The following PTPRQ variants were observed in gnomAD, a reference collection of about 807,000 sequenced individuals.
The protein encoded by PTPRQ is phosphatidylinositol phosphatase PTPRQ.
Under a neutral mutation model 246.0 loss-of-function variants are expected in PTPRQ, and 199 were observed. The observed-to-expected ratio is 0.81, with a 90% CI of 0.72 to 0.91. PTPRQ has a LOEUF of 0.91. Ranked by LOEUF, PTPRQ falls within the 40% of genes least tolerant of loss-of-function variation. The pLI is 0.00. For synonymous variants in PTPRQ, 869 were observed against 853.2 expected (o/e 1.02, Z -0.32); for missense variants, 2,624 against 2,528.4 (o/e 1.04, Z -0.81).
rs773747935 is a variant in PTPRQ, at chr12:80,632,232, C to T, written c.5727C>T (p.Ser1909=). ...LSERTVEIIL[S]VTLCILSIIL... ...AAAGAACCGTAGAGATCATTCTTTCCGTCACTTTGTGTATCCTTTCAATAA... is the reference window on the plus strand; with the variant it reads ...AAAGAACCGTAGAGATCATTCTTTCTGTCACTTTGTGTATCCTTTCAATAA... Residue 1909 remains serine, a synonymous_variant, in exon 34 of 45, where the codon TCC becomes TCT. Transcript: ENST00000644991. The T allele has an allele frequency of 1.9e-5, 29 of 1,551,356 alleles. No homozygotes were observed. Among genetic ancestry groups the T allele is most frequent in the South Asian group, 1.4e-4 (12 of 84,036 alleles).
At chr12:80,530,447 T>C (rs989172494) in intron 17 of PTPRQ, among the ~76,000 whole-genome samples, 1 of 152,204 alleles carries the variant, frequency 6.6e-6, no homozygotes, top group African/African-American at 2.4e-5. Flanking sequence ...TGTTGAATAT[T>C]GATTTTGTAC....
At chr12:80,631,836 A>T (rs1368703105) in intron 33 of PTPRQ, among the ~76,000 whole-genome samples, 1 of 152,166 alleles carries the variant, frequency 6.6e-6, no homozygotes, top group Non-Finnish European at 1.5e-5. Flanking sequence ...TGGACATATC[A>T]ATTTAACATT....
At position 80,680,236 on chromosome 12, in the gene PTPRQ, A is replaced by G. The variant is rs1050760352; in HGVS notation, c.*1213A>G. 1 of 151,522 alleles carries G rather than the reference A, an allele frequency of 6.6e-6. No individual in the cohort carries two copies. The highest frequency in any genetic ancestry group is 1.5e-5 in the Non-Finnish European group (1 of 67,764). The allele number at this position is 151,522 out of a possible 1,614,324, so 9.4% of individuals were successfully genotyped here. On this transcript the variant is annotated 3_prime_UTR_variant, in exon 45 of 45. Transcript: ENST00000644991. Reference sequence around the variant, plus strand: ...TATTTCCGCTGGAACATATATATATAAGAAATGCTATGGCCAATAAAATTG... The same window carrying G: ...TATTTCCGCTGGAACATATATATATGAGAAATGCTATGGCCAATAAAATTG...
intron 17 of PTPRQ, among the ~76,000 whole-genome samples, chr12:80,530,382 A>G (rs1895810241): frequency 6.6e-6 from 1 of 152,174 alleles, no homozygotes; most frequent in South Asian, 2.1e-4. Flanking sequence ...ACTCATATTT[A>G]TGCCTAAAGT....
In PTPRQ at chr12:80,549,649, C is replaced by T; in HGVS notation, c.4200C>T (p.Thr1400=). The change falls in exon 25 of 45, where the codon ACC becomes ACT. Residue 1400 remains threonine, a synonymous_variant. Coordinates refer to ENST00000644991, the MANE Select transcript of PTPRQ (RefSeq NM_001145026.2). The stretch of plus-strand genomic sequence containing the variant: ...CTTTCATAAAGCTTCTTGCCAATAC[C>T]TCATATGTCTTTAAAGTAAGAGCTT... The part of the protein sequence containing the change: ...MYTFIKLLAN[T]SYVFKVRAST... The T allele has an allele frequency of 3.2e-6, 5 of 1,551,160 alleles. No individual in the cohort carries two copies. Among genetic ancestry groups the T allele is most frequent in the Non-Finnish European group, 4.4e-6 (5 of 1,146,578 alleles).
At chr12:80,550,922 T>C (rs1714542360) in intron 25 of PTPRQ, among the ~76,000 whole-genome samples, 1 of 152,130 alleles carries the variant, frequency 6.6e-6, no homozygotes, top group Non-Finnish European at 1.5e-5. Flanking sequence ...ATATCAAATA[T>C]ATTGATAGGC....
At chr12:80,665,698 T>C (rs1273329664) in intron 39 of PTPRQ, among the ~76,000 whole-genome samples, 1 of 151,984 alleles carries the variant, frequency 6.6e-6, no homozygotes, top group African/African-American at 2.4e-5. Context: ...TGCAAACTAT[T>C]CATCCAACAA....
At chr12:80,640,919 G>A (rs1032972715) in intron 35 of PTPRQ, among the ~76,000 whole-genome samples, 1 of 152,126 alleles carries the variant, frequency 6.6e-6, no homozygotes, top group Non-Finnish European at 1.5e-5. Flanking sequence ...TTTGCACCTA[G>A]ATTCCTGTAC....
chr12:80,589,799 C>G (rs958216880), intron 26 of PTPRQ, among the ~76,000 whole-genome samples: 5 of 152,136 alleles, frequency 3.3e-5, no homozygotes, highest in Non-Finnish European at 7.4e-5. Context: ...TCTGTTTTTT[C>G]TCCTACCTTC....
At chr12:80,666,168 G>A (rs1260919274) in intron 39 of PTPRQ, among the ~76,000 whole-genome samples, 3 of 152,026 alleles carry the variant, frequency 2.0e-5, no homozygotes, top group African/African-American at 7.2e-5. Context: ...ATCAGCCTAA[G>A]TATTCATCAA....
At chr12:80,461,822 A>T (rs1368497268) in intron 6 of PTPRQ, among the ~76,000 whole-genome samples, 2 of 151,622 alleles carry the variant, frequency 1.3e-5, no homozygotes, top group Non-Finnish European at 2.9e-5. Context: ...TCTTTGAATT[A>T]TACCATTTTC....
rs184581114 is a variant in PTPRQ, at chr12:80,551,473, C to T, written c.4285+1739C>T. 7.9e-5 allele frequency among the ~76,000 whole-genome samples: 12 copies of T among 152,268 alleles called. No homozygotes were observed. In the East Asian group the frequency reaches 1.9e-3, roughly 24 times the overall value. On this transcript the variant is annotated intron_variant, in intron 25 of 44. Coordinates refer to ENST00000644991, the MANE Select transcript of PTPRQ (RefSeq NM_001145026.2). The stretch of plus-strand genomic sequence containing the variant: ...ACACTACTTTAGCCTACCCATAAGT[C>T]TCATCTTTCCTCCTACTCACTTAAT...
chr12:80,619,257 C>G, intron 30 of PTPRQ, 127 bp from the exon 31 acceptor site: 2 of 1,122,792 alleles, frequency 1.8e-6, no homozygotes, highest in East Asian at 5.3e-5. Flanking sequence ...GCACAATTCT[C>G]TATAATTTGT....
chr12:80,674,200 C>A (rs1377454794), intron 43 of PTPRQ, among the ~76,000 whole-genome samples: 2 of 152,076 alleles, frequency 1.3e-5, no homozygotes, highest in African/African-American at 2.4e-5. Context: ...AATAGAGATT[C>A]TCTTGCAGTA....
chr12:80,452,339 T>C (rs1892793385), intron 3 of PTPRQ, among the ~76,000 whole-genome samples: 1 of 152,058 alleles, frequency 6.6e-6, no homozygotes, highest in Non-Finnish European at 1.5e-5. Context: ...CTGTGTCTTT[T>C]AATTGGAGCA....
rs757029945 is a variant in PTPRQ, at chr12:80,591,120, CTTTT to C, written c.4609+2688_4609+2691del. ...TGTTTAGGATCTGCCTTGATCATTG[CTTTT>C]TTTTTTTTTTTTTTTTTTTGCGACA... is the stretch of plus-strand genomic sequence containing the variant. On this transcript the variant is annotated intron_variant, in intron 26 of 44. Coordinates refer to ENST00000644991, the MANE Select transcript of PTPRQ (RefSeq NM_001145026.2). 1.8e-4 allele frequency among the ~76,000 whole-genome samples: 14 copies of C among 77,384 alleles called. No individual in the cohort carries two copies. The East Asian group carries it at 2.6e-3, about 14-fold the overall frequency. 50.8% of individuals were successfully genotyped at this position (77,384 alleles called of 152,430 possible). A position where few individuals can be genotyped will look rare whatever the true frequency, so the allele number is the denominator to read the frequency against.
At chr12:80,447,909 T>C (rs1892603152) in intron 3 of PTPRQ, among the ~76,000 whole-genome samples, 2 of 152,128 alleles carry the variant, frequency 1.3e-5, no homozygotes, top group South Asian at 2.1e-4. Context: ...ATATGAACTT[T>C]AGGATTGCTG....
At chr12:80,464,212 T>G (rs982240309) in intron 6 of PTPRQ, among the ~76,000 whole-genome samples, 2 of 145,724 alleles carry the variant, frequency 1.4e-5, no homozygotes, top group Non-Finnish European at 3.0e-5. Flanking sequence ...AGGCAGGGGT[T>G]GCAATCCTAG....
At chr12:80,461,032 TC>T (rs1893147016) in intron 6 of PTPRQ, 130 bp downstream of exon 6, 3 of 388,824 alleles carry the variant, frequency 7.7e-6, no homozygotes, top group Non-Finnish European at 9.1e-6. Context: ...ACCATAGGCA[TC>T]CCATCAAGGG....
Sources: gnomAD v4.1 joint callset for allele counts (sites outside exome capture counted in the v4.1 genomes callset) on GRCh38, gnomAD v4.1.1 for gene constraint, MANE v1.5 for transcripts, NCBI Gene and HGNC (gene_info 2026-07-23, HGNC 2026-07-21) for gene names.